ANK2: variants seen among roughly 807,000 people sequenced by gnomAD.
The protein encoded by ANK2 is ankyrin-2.
Under a neutral mutation model 360.5 loss-of-function variants are expected in ANK2, and 83 were observed. That is an observed-to-expected ratio of 0.23 (90% CI 0.19 to 0.28). The LOEUF (loss-of-function observed/expected upper bound fraction) is 0.28, where lower values mean the gene tolerates loss of function less well. Ranked by LOEUF, ANK2 falls within the 10% of genes least tolerant of loss-of-function variation. The pLI is 1.00. For synonymous variants in ANK2, 1,740 were observed against 1,759.5 expected (o/e 0.99, Z 0.28); for missense variants, 4,201 against 4,795.7 (o/e 0.88, Z 3.66).
intron 2 of ANK2, among the ~76,000 whole-genome samples, chr4:112,936,880 C>T (rs781469979): frequency 3.3e-5 from 5 of 152,234 alleles, no homozygotes; most frequent in South Asian, 2.1e-4. Context: ...CCTCAATCTC[C>T]GGGGCTCAAG....
intron 11 of ANK2, 92 bp downstream of exon 11, chr4:113,256,024 G>A (rs2049120194): frequency 5.6e-6 from 8 of 1,425,534 alleles, no homozygotes; most frequent in Non-Finnish European, 7.8e-6. Flanking sequence ...GCAATGCAAG[G>A]TTACAGATAT....
chr4:113,314,729 G>A (rs1336551441), intron 24 of ANK2, among the ~76,000 whole-genome samples: 2 of 152,114 alleles, frequency 1.3e-5, no homozygotes, highest in Non-Finnish European at 2.9e-5. Flanking sequence ...TTATTTTAGA[G>A]GGAATATTCT....
At chr4:112,869,417 A>G (rs116060274) in intron 1 of ANK2, among the ~76,000 whole-genome samples, 6,545 of 152,188 alleles carry the variant, frequency 0.043, 458 homozygotes, top group East Asian at 0.31. Flanking sequence ...TGCTGGGACT[A>G]CAAGTGCATG....
chr4:112,806,559 G>A, the ANK2 span, among the ~76,000 whole-genome samples: 1 of 152,160 alleles, frequency 6.6e-6, no homozygotes, highest in Non-Finnish European at 1.5e-5. Context: ...GGCCAGGTGT[G>A]GTGCCCATGC....
intron 1 of ANK2, among the ~76,000 whole-genome samples, chr4:113,148,411 T>A (rs2096913868): frequency 1.3e-5 from 2 of 152,236 alleles, no homozygotes; most frequent in African/African-American, 4.8e-5. Flanking sequence ...TTTCAAGTTA[T>A]CACATCCTTC....
intron 23 of ANK2, among the ~76,000 whole-genome samples, chr4:113,304,957 A>G (rs1490418633): frequency 2.0e-5 from 3 of 152,230 alleles, no homozygotes; most frequent in Non-Finnish European, 4.4e-5. Flanking sequence ...TAATTTAAAA[A>G]TAGCCCTTTA....
At chr4:113,003,231 A>AT (rs1401623260) in intron 2 of ANK2, among the ~76,000 whole-genome samples, 3 of 152,228 alleles carry the variant, frequency 2.0e-5, no homozygotes, top group Non-Finnish European at 4.4e-5. Flanking sequence ...TTATGAAACA[A>AT]TTTTTTATAT....
intron 2 of ANK2, among the ~76,000 whole-genome samples, chr4:113,020,840 A>AAAAAAAAAC (rs2057880325): frequency 6.6e-6 from 1 of 151,170 alleles, no homozygotes. Flanking sequence ...AAAGAAAAAA[A>AAAAAAAAAC]TCTACCAAAA....
At chr4:113,153,788 G>A (rs11943785) in intron 1 of ANK2, among the ~76,000 whole-genome samples, 14,136 of 152,204 alleles carry the variant, frequency 0.093, 1,272 homozygotes, top group African/African-American at 0.23. Flanking sequence ...GTTTTTAAAT[G>A]ATGTAGATGG....
the ANK2 span, among the ~76,000 whole-genome samples, chr4:112,806,029 C>T: frequency 2.0e-5 from 3 of 152,178 alleles, no homozygotes; most frequent in Non-Finnish European, 4.4e-5. Context: ...TATTCATTAT[C>T]ACAAGCATTC....
At position 112,950,865 on chromosome 4, in the gene ANK2, G is replaced by A. The variant is rs1561244725; in HGVS notation, c.21+46351G>A. On this transcript the variant is annotated intron_variant, in intron 2 of 30. Transcript: ENST00000503271. Reference sequence around the variant, plus strand: ...TGGGAGGCCGAAGCGGGCGGATCACGAGGTCAGGAGATCGAGACCATCCCG... The same window carrying A: ...TGGGAGGCCGAAGCGGGCGGATCACAAGGTCAGGAGATCGAGACCATCCCG... 1.3e-5 allele frequency among the ~76,000 whole-genome samples: 2 copies of A among 150,916 alleles called. 1 individual carries two copies.
intron 2 of ANK2, among the ~76,000 whole-genome samples, chr4:112,925,152 A>G (rs1203162458): frequency 6.6e-6 from 1 of 152,156 alleles, no homozygotes; most frequent in Non-Finnish European, 1.5e-5. Flanking sequence ...ATCACCTTTT[A>G]TAATTAGAAA....
intron 2 of ANK2, among the ~76,000 whole-genome samples, chr4:112,937,266 C>T (rs1031145919): frequency 6.6e-5 from 10 of 151,952 alleles, no homozygotes; most frequent in Non-Finnish European, 1.2e-4. Flanking sequence ...TATATGGAAG[C>T]GGCTATAAAA....
chr4:113,021,541 C>CACACATATAT (rs1489947974), intron 2 of ANK2, among the ~76,000 whole-genome samples: 6 of 95,636 alleles, frequency 6.3e-5, no homozygotes, highest in African/African-American at 1.9e-4. Context: ...CACACACAAA[C>CACACATATAT]ATATATATAT....
chr4:113,044,569 C>G (rs1187589254), intron 2 of ANK2, among the ~76,000 whole-genome samples: 7 of 152,144 alleles, frequency 4.6e-5, no homozygotes, highest in Admixed American at 4.6e-4. Flanking sequence ...GTTATGAAGA[C>G]TAGAAGTGCA....
chr4:113,266,063 C>A (rs1370102307), intron 14 of ANK2, among the ~76,000 whole-genome samples: 1 of 152,054 alleles, frequency 6.6e-6, no homozygotes, highest in Non-Finnish European at 1.5e-5. Flanking sequence ...ACCCATCAAC[C>A]CGTCATCTAC....
chr4:113,095,144 C>T (rs1481305324), intron 1 of ANK2, among the ~76,000 whole-genome samples: 1 of 152,186 alleles, frequency 6.6e-6, no homozygotes, highest in Non-Finnish European at 1.5e-5. Flanking sequence ...TGGGATTCCT[C>T]AGTGGCAAGA....
intron 23 of ANK2, among the ~76,000 whole-genome samples, chr4:113,304,856 A>G (rs1015782158): frequency 1.3e-5 from 2 of 152,190 alleles, no homozygotes; most frequent in Non-Finnish European, 2.9e-5. Context: ...ATCTAGTAAG[A>G]GGTTTCCAAA....
chr4:113,364,202 A>G (rs1163917942), intron 40 of ANK2, among the ~76,000 whole-genome samples: 1 of 152,114 alleles, frequency 6.6e-6, no homozygotes, highest in Non-Finnish European at 1.5e-5. Flanking sequence ...TATCTTACTT[A>G]TGTTTATTAG....
Sources: allele counts gnomAD v4.1 joint callset (sites outside exome capture counted in the v4.1 genomes callset), GRCh38; gene constraint gnomAD v4.1.1; transcripts MANE v1.5; gene names NCBI Gene and HGNC (gene_info 2026-07-23, HGNC 2026-07-21).